Variants in DEPDC4 observed in about 807,000 individuals in gnomAD.
DEPDC4 encodes the protein DEP domain-containing protein 4.
Under a neutral mutation model 52.0 loss-of-function variants are expected in DEPDC4, and 52 were observed. That is an observed-to-expected ratio of 1.00 (90% CI 0.80 to 1.26). The LOEUF (loss-of-function observed/expected upper bound fraction) is 1.26. DEPDC4 is among the 50% of genes most tolerant of loss of function. The pLI is 0.00. For missense variants in DEPDC4, 530 were observed against 546.9 expected (o/e 0.97, Z 0.31); for synonymous variants, 201 against 196.8 (o/e 1.02, Z -0.18).
At chr12:100,238,534 T>G (rs1018790074), downstream of DEPDC4, among the ~76,000 whole-genome samples, 2 of 140,960 alleles carry the variant, frequency 1.4e-5, no homozygotes, top group Non-Finnish European at 3.0e-5. Context: ...TTGCCCAGGC[T>G]GGTGTGCAGT....
At chr12:100,269,928 C>T (rs1007124228), upstream of DEPDC4, among the ~76,000 whole-genome samples, 2 of 151,684 alleles carry the variant, frequency 1.3e-5, no homozygotes, top group African/African-American at 2.4e-5. Flanking sequence ...AAACCACTGT[C>T]TTAGACAGTA....
At chr12:100,275,689 CTTGG>C in the DEPDC4 span, among the ~76,000 whole-genome samples, 1 of 151,996 alleles carries the variant, frequency 6.6e-6, no homozygotes, top group African/African-American at 2.4e-5. Context: ...GCTTTATTGC[CTTGG>C]TTAGGACCTT....
chr12:100,281,239 G>A, the DEPDC4 span, among the ~76,000 whole-genome samples: 2,396 of 151,890 alleles, frequency 0.016, 63 homozygotes, highest in African/African-American at 0.055. Context: ...ATGTTTCCCA[G>A]GCTGGTCTTG....
chr12:100,237,892 C>T (rs777938602), downstream of DEPDC4: 17 of 169,820 alleles, frequency 1.0e-4, no homozygotes, highest in East Asian at 3.8e-4. Context: ...GAACAGCAGA[C>T]GCAACAACAT....
rs571158387 is a variant in DEPDC4 at position 100,258,743 on chromosome 12, C to A, written c.701-2517G>T. ...AGAATTCTGTCAATCAAATAAGAGG[C>A]TAGAATACAGAAAATTTCAGAAATA... is the stretch of plus-strand genomic sequence containing the variant. On this transcript the variant is annotated intron_variant, in intron 3 of 9. Coordinates refer to ENST00000550587, the MANE Select transcript of DEPDC4 (RefSeq NM_001364818.2). Among the ~76,000 whole-genome samples the A allele has an allele frequency of 1.0e-3, 152 of 145,294 alleles. 1 individual carries two copies. Among genetic ancestry groups the A allele is most frequent in the African/African-American group, 4.0e-3 (144 of 36,206 alleles).
At chr12:100,251,472 G>GC (rs937234379) in intron 7 of DEPDC4, among the ~76,000 whole-genome samples, 9 of 151,926 alleles carry the variant, frequency 5.9e-5, no homozygotes, top group Non-Finnish European at 1.3e-4. Context: ...CCAGGCTGGT[G>GC]CAATGGCTTA....
upstream of DEPDC4, among the ~76,000 whole-genome samples, chr12:100,270,961 G>A (rs879384861): frequency 6.6e-6 from 1 of 151,540 alleles, no homozygotes; most frequent in Non-Finnish European, 1.5e-5. Flanking sequence ...TTTTATGTTC[G>A]TTTTTAAAAT....
At chr12:100,276,374 G>A in the DEPDC4 span, among the ~76,000 whole-genome samples, 337 of 151,396 alleles carry the variant, frequency 2.2e-3, 4 homozygotes, top group East Asian at 0.037. Context: ...TCTTTGTCAC[G>A]CAGGCCAGAG....
At chr12:100,272,085 A>T in the DEPDC4 span, among the ~76,000 whole-genome samples, 1 of 152,166 alleles carries the variant, frequency 6.6e-6, no homozygotes, top group South Asian at 2.1e-4. Flanking sequence ...GCTGAGCTAG[A>T]TGGTAGAGAG....
chr12:100,250,863 T>C (rs1189413211), intron 7 of DEPDC4, among the ~76,000 whole-genome samples: 1 of 152,166 alleles, frequency 6.6e-6, no homozygotes, highest in Non-Finnish European at 1.5e-5. Flanking sequence ...TATTATTTAT[T>C]TATTTGGATG....
chr12:100,235,073 A>ATATG (rs2096139339), downstream of DEPDC4, among the ~76,000 whole-genome samples: 1 of 151,282 alleles, frequency 6.6e-6, no homozygotes, highest in African/African-American at 2.4e-5. Flanking sequence ...GTGTATATAT[A>ATATG]TATATGTATA....
chr12:100,249,172 T>A (rs989669364), intron 7 of DEPDC4, among the ~76,000 whole-genome samples, 194 bp from the exon 8 acceptor site: 4 of 152,196 alleles, frequency 2.6e-5, no homozygotes, highest in African/African-American at 9.7e-5. Context: ...CTTAAAATCT[T>A]ATTTTCTGCC....
chr12:100,234,567 A>G (rs2096138691), intron 9 of DEPDC4, among the ~76,000 whole-genome samples: 1 of 151,756 alleles, frequency 6.6e-6, no homozygotes. Context: ...TTTTACAAGG[A>G]AGAGCACAGA....
chr12:100,268,084 C>A (rs1436139708), upstream of DEPDC4, among the ~76,000 whole-genome samples: 1 of 152,154 alleles, frequency 6.6e-6, no homozygotes, highest in Non-Finnish European at 1.5e-5. Flanking sequence ...ATTAAGGAGG[C>A]CATATTATCA....
intron 4 of DEPDC4, among the ~76,000 whole-genome samples, chr12:100,255,065 T>G (rs533964682): frequency 6.6e-6 from 1 of 152,332 alleles, no homozygotes; most frequent in East Asian, 1.9e-4. Context: ...CAGTACATCT[T>G]GCCTAATATG....
chr12:100,266,780 T>A (rs1277279921), intron 1 of DEPDC4, 140 bp downstream of exon 1: 13 of 1,183,826 alleles, frequency 1.1e-5, no homozygotes, highest in Non-Finnish European at 1.4e-5. Context: ...CCCAGTCCAG[T>A]GCCTGGTAGG....
intron 9 of DEPDC4, among the ~76,000 whole-genome samples, chr12:100,234,553 G>A (rs1399210065): frequency 6.6e-6 from 1 of 152,098 alleles, no homozygotes; most frequent in Non-Finnish European, 1.5e-5. Context: ...TTGCTAAAAT[G>A]GGATTTTACA....
intron 8 of DEPDC4, among the ~76,000 whole-genome samples, chr12:100,247,572 C>G (rs1047578548): frequency 1.3e-5 from 2 of 152,030 alleles, no homozygotes; most frequent in African/African-American, 2.4e-5. Context: ...CCTCAAAAGT[C>G]AAAAATAATG....
chr12:100,281,958 A>G, the DEPDC4 span, among the ~76,000 whole-genome samples: 1 of 152,182 alleles, frequency 6.6e-6, no homozygotes, highest in Non-Finnish European at 1.5e-5. Flanking sequence ...AGGGGTGGAA[A>G]AAGAAAAAAT....
Sources: allele counts gnomAD v4.1 joint callset (sites outside exome capture counted in the v4.1 genomes callset), GRCh38; gene constraint gnomAD v4.1.1; transcripts MANE v1.5; gene names NCBI Gene and HGNC (gene_info 2026-07-23, HGNC 2026-07-21).